Variants in TUBGCP2 observed in about 807,000 individuals in gnomAD.
The protein encoded by TUBGCP2 is tubulin gamma complex component 2, also known as gamma-tubulin complex component 2.
TUBGCP2 carries 55 observed loss-of-function variants against 92.2 expected under a neutral mutation model. The ratio of observed to expected loss-of-function variants is 0.60; its 90% CI spans 0.48 to 0.75. The LOEUF (loss-of-function observed/expected upper bound fraction) is 0.75. TUBGCP2 is among the 30% of genes least tolerant of loss of function. TUBGCP2 has a pLI of 0.00. For missense variants in TUBGCP2, 1,093 were observed against 1,188.9 expected, an observed-to-expected ratio of 0.92 and a Z score of 1.19; for synonymous variants, 533 against 505.2, an observed-to-expected ratio of 1.06 and a Z score of -0.74.
upstream of TUBGCP2, chr10:133,311,960 A>G (rs780413978): frequency 3.7e-6 from 6 of 1,612,002 alleles, no homozygotes; most frequent in South Asian, 6.6e-5. Context: ...ACGCTGGGTA[A>G]GAAAATCGGC....
chr10:133,290,290 C>G (rs1847252069), intron 8 of TUBGCP2: 1 of 269,690 alleles, frequency 3.7e-6, no homozygotes, highest in Non-Finnish European at 7.4e-6. Flanking sequence ...GTCAAGAGAT[C>G]AAGACCATCC....
rs530929906 is a variant in TUBGCP2 at position 133,283,846 on chromosome 10, C to T, written c.2145+36G>A. The T allele has an allele frequency of 1.4e-4, 227 of 1,609,518 alleles. 2 individuals carry two copies. The South Asian group carries it at 2.4e-3, about 17-fold the overall frequency. On this transcript the variant is annotated intron_variant, in intron 14 of 17. Transcript: ENST00000252936. ...CTGTCTCCCTGTGAAAGGAAAGTGG[C>T]TTTCAAACGTTATTATCTGTGGAGC...
At position 133,293,030 on chromosome 10, in the gene TUBGCP2, G is replaced by C. The variant is rs767534477; in HGVS notation, c.1024+9C>G. ...ACCACTGCCCCATGCCCCCCGGGCG[G>C]GCACGCACCGAGGGAGGCCAGGATG... On this transcript the variant is annotated intron_variant, in intron 7 of 17. Transcript: ENST00000252936. The C allele has an allele frequency of 3.7e-6, 6 of 1,611,902 alleles. No individual in the cohort carries two copies. Among genetic ancestry groups the C allele is most frequent in the Middle Eastern group, 2.0e-4 (1 of 5,126 alleles).
chr10:133,291,214 G>A (rs1847278881), intron 8 of TUBGCP2, among the ~76,000 whole-genome samples: 1 of 150,776 alleles, frequency 6.6e-6, no homozygotes, highest in Non-Finnish European at 1.5e-5. Flanking sequence ...GAAGGCCAGA[G>A]CCCCCAGAGA....
upstream of TUBGCP2, chr10:133,309,535 G>T: frequency 6.6e-7 from 1 of 1,525,490 alleles, no homozygotes; most frequent in Non-Finnish European, 8.9e-7. Context: ...GGTCCCTGGG[G>T]CTGTGCTGCC....
chr10:133,288,017 G>A (rs147278644), intron 11 of TUBGCP2, 112 bp downstream of exon 11: 48,397 of 1,361,420 alleles, frequency 0.036, 983 homozygotes, highest in Non-Finnish European at 0.041. Context: ...CAGACCCTGC[G>A]GTCGCCTCAC....
At chr10:133,292,725 A>C (rs914157211) in intron 7 of TUBGCP2, 37 bp from the exon 8 acceptor site, 18 of 1,588,836 alleles carry the variant, frequency 1.1e-5, no homozygotes, top group South Asian at 2.3e-5. Context: ...CTGAGAAGGA[A>C]GCGCACGCCC....
intron 1 of TUBGCP2, among the ~76,000 whole-genome samples, chr10:133,306,146 TA>T (rs1274542041): frequency 6.6e-6 from 1 of 152,236 alleles, no homozygotes; most frequent in African/African-American, 2.4e-5. Flanking sequence ...TGGTTAGGTT[TA>T]CAAAAGGAAA....
chr10:133,280,446 C>G (rs941382916), intron 17 of TUBGCP2, among the ~76,000 whole-genome samples: 3 of 152,222 alleles, frequency 2.0e-5, no homozygotes, highest in African/African-American at 4.8e-5. Context: ...AGGACAGCAC[C>G]CCCAAGGGCA....
intron 13 of TUBGCP2, 66 bp from the exon 14 acceptor site, chr10:133,284,068 C>CACGGAGG: frequency 1.9e-6 from 3 of 1,585,736 alleles, no homozygotes; most frequent in African/African-American, 1.3e-5. Context: ...CACCAAGTGA[C>CACGGAGG]ACGGAGGACG....
rs773586126 is a variant in TUBGCP2, at chr10:133,293,678, C to T, written c.708G>A (p.Gln236=). 6.2e-7 allele frequency: 1 copy of T among 1,602,170 alleles called. No individual in the cohort carries two copies. The highest frequency in any genetic ancestry group is 8.5e-7 in the Non-Finnish European group (1 of 1,175,192). ...VGVDGRYVSA[Q]PLAGRQSRTF... ...TCCGGCTCTGCCTCCCAGCCAGGGG[C>T]TGAGCACTGACGTACCTCCCGTCCA... Residue 236 remains glutamine, a synonymous_variant, in exon 6 of 18, where the codon CAG becomes CAA. Transcript: ENST00000252936.
chr10:133,299,962 T>G, intron 3 of TUBGCP2, 23 bp downstream of exon 3: 1 of 1,612,680 alleles, frequency 6.2e-7, no homozygotes, highest in Non-Finnish European at 8.5e-7. Context: ...GGGCGCAGTG[T>G]GGCACGTGGC....
intron 17 of TUBGCP2, among the ~76,000 whole-genome samples, chr10:133,280,956 GCGGTGTTGGGC>G: frequency 6.6e-6 from 1 of 150,732 alleles, no homozygotes; most frequent in Admixed American, 6.6e-5. Context: ...CTGGGCCAGG[GCGGTGTTGGGC>G]AGGGGCAGGT....
chr10:133,283,748 C>T, intron 14 of TUBGCP2, 134 bp downstream of exon 14: 2 of 1,322,462 alleles, frequency 1.5e-6, no homozygotes, highest in Non-Finnish European at 2.1e-6. Flanking sequence ...TCCTGCACTC[C>T]CTGCGTCTCC....
chr10:133,308,432 T>A (rs918830890), intron 1 of TUBGCP2: 1 of 152,104 alleles, frequency 6.6e-6, no homozygotes, highest in Non-Finnish European at 1.5e-5. Flanking sequence ...AAAACTGGAG[T>A]CACTTTGGCT....
At position 133,280,508 on chromosome 10, in the gene TUBGCP2, G is replaced by C. The variant is rs561266876; in HGVS notation, c.2574-607C>G. Among the ~76,000 whole-genome samples, 5 of 152,356 alleles carry C rather than the reference G, an allele frequency of 3.3e-5. No homozygotes were observed. The East Asian group carries it at 9.6e-4, about 29-fold the overall frequency. ...CCACCTGGCCCTTTCCCCCAGGCTAGGTGTTAGTGCAGCATGAGGGAAGCT... is the reference window on the plus strand; with the variant it reads ...CCACCTGGCCCTTTCCCCCAGGCTACGTGTTAGTGCAGCATGAGGGAAGCT... On this transcript the variant is annotated intron_variant, in intron 17 of 17. Coordinates refer to ENST00000252936, the MANE Select transcript of TUBGCP2 (RefSeq NM_006659.4).
chr10:133,300,457 G>T (rs947605545), intron 2 of TUBGCP2: 2 of 225,532 alleles, frequency 8.9e-6, no homozygotes, highest in African/African-American at 2.3e-5. Flanking sequence ...CTTGCCTGTG[G>T]TCACTACTTG....
chr10:133,289,933 C>T lies in TUBGCP2; in HGVS notation c.1251G>A (p.Glu417=), dbSNP rs1847239655. ...FMVEEHELRK[E]RIQEDYNDKY... ...TGTCGTTGTAATCCTCCTGGATCCT[C>T]TCCTTCCGCAGCTCGTGCTCCTCGA... Residue 417 remains glutamate, a synonymous_variant, in exon 9 of 18, where the codon GAG becomes GAA. Transcript: ENST00000252936. 1 of 1,573,744 alleles carries T rather than the reference C, an allele frequency of 6.4e-7. No individual in the cohort carries two copies. Among genetic ancestry groups the T allele is most frequent in the African/African-American group, 1.5e-5 (1 of 68,524 alleles).
At chr10:133,289,382 C>T (rs1326353009) in intron 9 of TUBGCP2, among the ~76,000 whole-genome samples, 3 of 152,224 alleles carry the variant, frequency 2.0e-5, no homozygotes, top group Non-Finnish European at 2.9e-5. Flanking sequence ...CCTTTCGTGA[C>T]GGCCCCGATG....
Sources: gnomAD v4.1 joint callset for allele counts (sites outside exome capture counted in the v4.1 genomes callset) on GRCh38, gnomAD v4.1.1 for gene constraint, MANE v1.5 for transcripts, NCBI Gene and HGNC (gene_info 2026-07-23, HGNC 2026-07-21) for gene names.